Variants in DPP6 observed in about 807,000 individuals in gnomAD.
The protein encoded by DPP6 is dipeptidyl peptidase like 6, also known as A-type potassium channel modulatory protein DPP6.
Under a neutral mutation model 122.6 loss-of-function variants are expected in DPP6, and 69 were observed. The ratio of observed to expected loss-of-function variants is 0.56; its 90% confidence interval spans 0.46 to 0.69. The LOEUF is 0.69. Ranked by LOEUF, DPP6 falls within the 30% of genes least tolerant of loss-of-function variation. The pLI is 0.00. For missense variants in DPP6, 928 were observed against 1,116.9 expected (o/e 0.83, Z 2.41); for synonymous variants, 418 against 433.1 (o/e 0.97, Z 0.43).
At chr7:154,797,564 T>C (rs1798117324) in intron 12 of DPP6, among the ~76,000 whole-genome samples, 1 of 152,162 alleles carries the variant, frequency 6.6e-6, no homozygotes, top group African/African-American at 2.4e-5. Flanking sequence ...ATTGTACAAT[T>C]CCATCTATAT....
chr7:154,452,601 T>C (rs1019522059), intron 2 of DPP6, among the ~76,000 whole-genome samples: 5 of 152,250 alleles, frequency 3.3e-5, no homozygotes, highest in Non-Finnish European at 2.9e-5. Flanking sequence ...CAGAGTACAG[T>C]ATCTGCTTTC....
intron 4 of DPP6, among the ~76,000 whole-genome samples, chr7:154,543,960 C>T (rs1000076803): frequency 8.4e-5 from 12 of 143,424 alleles, no homozygotes; most frequent in Non-Finnish European, 1.2e-4. Context: ...TTCCACTACA[C>T]GCCAGCCTGG....
intron 1 of DPP6, among the ~76,000 whole-genome samples, chr7:154,320,000 A>AT (rs1807792681): frequency 2.2e-5 from 1 of 45,960 alleles, no homozygotes; most frequent in African/African-American, 8.5e-5. Flanking sequence ...CAAATATTTC[A>AT]AATATATATA....
rs1436484128 is a variant in DPP6 at position 154,878,138 on chromosome 7, A to C, written c.2078+2038A>C. On this transcript the variant is annotated intron_variant, in intron 20 of 25. Coordinates refer to ENST00000377770, the MANE Select transcript of DPP6 (RefSeq NM_130797.4). ...TCTATCTCCTCCCAGGGAGATTTGGAAGCCCGGGGCCTCCCCGCCATCAAG... is the reference window on the plus strand; with the variant it reads ...TCTATCTCCTCCCAGGGAGATTTGGCAGCCCGGGGCCTCCCCGCCATCAAG... 3.3e-5 allele frequency among the ~76,000 whole-genome samples: 5 copies of C among 152,158 alleles called. No individual in the cohort carries two copies. In the East Asian group the frequency reaches 9.7e-4, roughly 29 times the overall value.
At chr7:153,805,811 T>TACATCATGTCTGCTCA in the DPP6 span, among the ~76,000 whole-genome samples, 9 of 151,852 alleles carry the variant, frequency 5.9e-5, no homozygotes, top group African/African-American at 1.9e-4. Flanking sequence ...ATGAGAACAC[T>TACATCATGTCTGCTCA]TGGACACAGG....
chr7:154,487,492 G>A (rs1376028243), intron 3 of DPP6, among the ~76,000 whole-genome samples: 2 of 152,154 alleles, frequency 1.3e-5, no homozygotes, highest in African/African-American at 4.8e-5. Context: ...GCCTGGCAAC[G>A]CAGCTCAGCC....
At chr7:154,873,576 C>A (rs3807287) in intron 19 of DPP6, among the ~76,000 whole-genome samples, 1 of 152,080 alleles carries the variant, frequency 6.6e-6, no homozygotes, top group East Asian at 1.9e-4. Context: ...TGCTCCCTTC[C>A]TGAGGGCTGA....
chr7:154,634,946 C>A (rs1370852809), intron 5 of DPP6, among the ~76,000 whole-genome samples: 1 of 152,090 alleles, frequency 6.6e-6, no homozygotes, highest in South Asian at 2.1e-4. Context: ...GGACCTTCAA[C>A]CAGGAAAGAT....
chr7:154,448,671 C>G (rs1051225666), intron 2 of DPP6, among the ~76,000 whole-genome samples: 1 of 152,116 alleles, frequency 6.6e-6, no homozygotes, highest in Non-Finnish European at 1.5e-5. Flanking sequence ...TTAAAACTTA[C>G]TGTAAAGCTA....
rs1305878934 is a variant in DPP6, at chr7:154,083,793, T to C, written c.243+30730T>C. ...CCTCCAGCCTGTTCCTGGGACAGGC[T>C]CCAATCTCTTGGTGCAGTTAGCTTC... is the stretch of plus-strand genomic sequence containing the variant. On this transcript the variant is annotated intron_variant, in intron 1 of 25. Coordinates refer to ENST00000377770, the MANE Select transcript of DPP6 (RefSeq NM_130797.4). Among the ~76,000 whole-genome samples the C allele has an allele frequency of 4.6e-5, 7 of 151,394 alleles. No individual in the cohort carries two copies. The East Asian group carries it at 1.4e-3, about 29-fold the overall frequency.
chr7:154,855,237 C>T (rs1184482002), intron 17 of DPP6, among the ~76,000 whole-genome samples: 1 of 152,204 alleles, frequency 6.6e-6, no homozygotes, highest in Admixed American at 6.5e-5. Context: ...TGATGATAGT[C>T]TGCCAAGCTA....
intron 3 of DPP6, among the ~76,000 whole-genome samples, chr7:154,487,257 TC>T (rs1823878300): frequency 6.6e-6 from 1 of 152,196 alleles, no homozygotes; most frequent in Non-Finnish European, 1.5e-5. Context: ...CATGTTTTTT[TC>T]CTACTCTGAT....
rs1832390549 is a variant in DPP6, at chr7:154,585,636, T to C, written c.627+18720T>C. 2.0e-5 allele frequency among the ~76,000 whole-genome samples: 3 copies of C among 152,226 alleles called. No homozygotes were observed. In the South Asian group the frequency reaches 6.2e-4, roughly 31 times the overall value. On this transcript the variant is annotated intron_variant, in intron 5 of 25. Transcript: ENST00000377770. ...ACCTACACACATCCTTCCGTGTACT[T>C]GAAATCATCTCTAGGTTACTTGTAG...
intron 1 of DPP6, among the ~76,000 whole-genome samples, chr7:154,022,035 A>T (rs1302362676): frequency 1.3e-5 from 2 of 151,942 alleles, no homozygotes; most frequent in Admixed American, 6.6e-5. Flanking sequence ...GGAGAATTCA[A>T]CTCCCCCTCT....
At chr7:153,966,300 T>G (rs3864499) in intron 1 of DPP6, among the ~76,000 whole-genome samples, 1 of 149,958 alleles carries the variant, frequency 6.7e-6, no homozygotes, top group Non-Finnish European at 1.5e-5. Context: ...TGTTTGTGCA[T>G]GTGTTCATGT....
intron 1 of DPP6, among the ~76,000 whole-genome samples, chr7:154,308,619 G>A (rs1019676243): frequency 6.6e-6 from 1 of 152,158 alleles, no homozygotes; most frequent in African/African-American, 2.4e-5. Context: ...CTGCGCAGAG[G>A]GAAGCCTGGT....
At chr7:154,181,489 C>T (rs981846121) in intron 1 of DPP6, among the ~76,000 whole-genome samples, 3 of 152,142 alleles carry the variant, frequency 2.0e-5, no homozygotes, top group East Asian at 1.9e-4. Flanking sequence ...CAACTGATGA[C>T]GGCCTTAAAT....
intron 3 of DPP6, among the ~76,000 whole-genome samples, chr7:154,496,357 T>C (rs1824737778): frequency 6.6e-6 from 1 of 152,232 alleles, no homozygotes; most frequent in South Asian, 2.1e-4. Context: ...CTATAAAAAT[T>C]CACTTAATTT....
Position 154,760,512 on chromosome 7 carries a change from G to C in DPP6, c.884-8905G>C, listed in dbSNP as rs144470389. ...TTTCTATTCTTGTCTGCCATTCTGC[G>C]AGCTCAAGAACTTCTGTTAGCCATT... On this transcript the variant is annotated intron_variant, in intron 8 of 25. Coordinates refer to ENST00000377770, the MANE Select transcript of DPP6 (RefSeq NM_130797.4). This position sits in a 1 kb window ranked among gnomAD's most constrained non-coding sequence, Gnocchi z 4.5. Among the ~76,000 whole-genome samples, 2 of 152,134 alleles carry C rather than the reference G, an allele frequency of 1.3e-5. No homozygotes were observed. Among genetic ancestry groups the C allele is most frequent in the Non-Finnish European group, 2.9e-5 (2 of 68,024 alleles).
Sources: gnomAD v4.1 joint callset for allele counts (sites outside exome capture counted in the v4.1 genomes callset) on GRCh38, gnomAD v4.1.1 for gene constraint, Gnocchi (gnomAD v3.1) non-coding constraint, MANE v1.5 for transcripts, NCBI Gene and HGNC (gene_info 2026-07-23, HGNC 2026-07-21) for gene names.